The following FKBP5 variants were observed in gnomAD, a reference collection of about 807,000 sequenced individuals.
The protein encoded by FKBP5 is FKBP prolyl isomerase 5, also known as peptidyl-prolyl cis-trans isomerase FKBP5.
A neutral mutation model predicts 50.5 loss-of-function variants in FKBP5; 23 were observed. The ratio of observed to expected loss-of-function variants is 0.46; its 90% CI spans 0.33 to 0.65. The LOEUF is 0.65. FKBP5 is among the 30% of genes least tolerant of loss of function. The pLI is 0.02. For missense variants in FKBP5, 411 were observed against 553.1 expected (o/e 0.74, Z 2.58); for synonymous variants, 176 against 190.6 (o/e 0.92, Z 0.63).
At chr6:35,586,893 G>T in intron 8 of FKBP5, 141 bp downstream of exon 8, 155 of 1,447,364 alleles carry the variant, frequency 1.1e-4, no homozygotes, top group South Asian at 5.7e-4. Flanking sequence ...TTTTCATATT[G>T]AAAATGACAG....
intron 3 of FKBP5, among the ~76,000 whole-genome samples, chr6:35,628,649 TTTC>T (rs1166431906): frequency 1.3e-5 from 2 of 152,236 alleles, no homozygotes; most frequent in African/African-American, 4.8e-5. Context: ...ACAGAAATCC[TTTC>T]TTCTTTTTAT....
intron 2 of FKBP5, among the ~76,000 whole-genome samples, chr6:35,638,090 T>C (rs76083010): frequency 0.011 from 1,667 of 152,228 alleles, 34 homozygotes; most frequent in East Asian, 0.051. Flanking sequence ...TAAAATCCAG[T>C]GTATTTATTT....
Position 35,620,285 on chromosome 6 carries a change from G to A in FKBP5, c.251-11C>T. On this transcript the variant is annotated splice_polypyrimidine_tract_variant and intron_variant, in intron 3 of 10. Transcript: ENST00000357266. ...CCTTGATGACTTGGCCTAAGGGAAA[G>A]GAAAAGGTAGTTGAAAGCTATAAGC... 6.2e-7 allele frequency: 1 copy of A among 1,612,594 alleles called. No homozygotes were observed. Among genetic ancestry groups the A allele is most frequent in the Admixed American group, 1.7e-5 (1 of 59,776 alleles).
intron 5 of FKBP5, among the ~76,000 whole-genome samples, chr6:35,610,567 C>CAAAA (rs35101873): frequency 0.061 from 3,546 of 58,148 alleles, 458 homozygotes; most frequent in Admixed American, 0.095. Flanking sequence ...GACTCCGTCT[C>CAAAA]AAAAAAAAAA....
intron 5 of FKBP5, among the ~76,000 whole-genome samples, chr6:35,613,693 G>A (rs912571170): frequency 1.3e-5 from 2 of 152,110 alleles, no homozygotes; most frequent in African/African-American, 4.8e-5. Context: ...CTTGTTTAAA[G>A]GAGGAAAAAC....
chr6:35,592,260 C>A (rs368522309), intron 6 of FKBP5, among the ~76,000 whole-genome samples: 77 of 152,318 alleles, frequency 5.1e-4, no homozygotes, highest in African/African-American at 1.6e-3. Context: ...CCAGTTTTCT[C>A]TGGGGCAAAG....
chr6:35,579,175 CTCT>C (rs1422065806), intron 9 of FKBP5, among the ~76,000 whole-genome samples: 6 of 152,080 alleles, frequency 3.9e-5, no homozygotes, highest in African/African-American at 1.4e-4. Context: ...CTCTCTCTCT[CTCT>C]CTCTCCGCTC....
chr6:35,692,125 A>G (rs1765999446), upstream of FKBP5, among the ~76,000 whole-genome samples: 1 of 152,142 alleles, frequency 6.6e-6, no homozygotes, highest in South Asian at 2.1e-4. Context: ...CATGCATTTT[A>G]TCATTTGATT....
chr6:35,584,921 G>C (rs187968321), intron 8 of FKBP5: 1 of 985,446 alleles, frequency 1.0e-6, no homozygotes, highest in South Asian at 4.7e-5. Context: ...ACAAAGTTAA[G>C]TAACTGTACA....
At chr6:35,591,988 A>T (rs1385831864) in intron 6 of FKBP5, among the ~76,000 whole-genome samples, 2 of 152,220 alleles carry the variant, frequency 1.3e-5, no homozygotes, top group Non-Finnish European at 2.9e-5. Context: ...TAAGATCTCC[A>T]GCAAATTAAA....
chr6:35,631,800 C>T (rs1171891791), intron 3 of FKBP5, among the ~76,000 whole-genome samples: 7 of 151,740 alleles, frequency 4.6e-5, no homozygotes, highest in African/African-American at 1.7e-4. Flanking sequence ...ACTAAAAATA[C>T]AAAAATTAGC....
chr6:35,584,876 T>C (rs1762554367), intron 8 of FKBP5: 1 of 985,340 alleles, frequency 1.0e-6, no homozygotes, highest in Non-Finnish European at 1.2e-6. Context: ...AGGTTCATAA[T>C]AGTATCACTC....
chr6:35,678,870 C>T (rs765342399), intron 1 of FKBP5, among the ~76,000 whole-genome samples: 10 of 152,048 alleles, frequency 6.6e-5, no homozygotes, highest in Non-Finnish European at 1.3e-4. Context: ...CAGCTTGAGC[C>T]CAGGATTTTA....
intron 1 of FKBP5, among the ~76,000 whole-genome samples, chr6:35,647,611 G>A (rs1270624804): frequency 6.6e-6 from 1 of 152,224 alleles, no homozygotes; most frequent in Non-Finnish European, 1.5e-5. Flanking sequence ...TAGGTCTGGG[G>A]TCAGCCCCAG....
chr6:35,643,574 C>T (rs781160108), intron 1 of FKBP5, among the ~76,000 whole-genome samples: 1 of 152,148 alleles, frequency 6.6e-6, no homozygotes, highest in Non-Finnish European at 1.5e-5. Context: ...GTTCTAGCTG[C>T]CATTATTTTA....
intron 2 of FKBP5, among the ~76,000 whole-genome samples, chr6:35,704,592 GT>G (rs35718174): frequency 0.57 from 85,971 of 151,742 alleles, 25,104 homozygotes; most frequent in African/African-American, 0.7. Flanking sequence ...TTGTCAACAT[GT>G]TTTTTTGGGA....
chr6:35,652,897 G>A (rs1403771395), intron 1 of FKBP5, among the ~76,000 whole-genome samples: 1 of 152,098 alleles, frequency 6.6e-6, no homozygotes, highest in East Asian at 1.9e-4. Flanking sequence ...TCCCCCGGAC[G>A]CCCAGCTTTA....
intron 1 of FKBP5, among the ~76,000 whole-genome samples, chr6:35,651,607 C>A (rs771298461): frequency 8.5e-5 from 13 of 152,062 alleles, no homozygotes; most frequent in Non-Finnish European, 1.5e-4. Context: ...CAAATAAAAC[C>A]GTGGCTTTCA....
At chr6:35,597,548 G>T (rs1228772505) in intron 5 of FKBP5, 144 bp from the exon 6 acceptor site, 2 of 917,834 alleles carry the variant, frequency 2.2e-6, no homozygotes, top group Non-Finnish European at 3.1e-6. Flanking sequence ...GTGTGTCTTG[G>T]TGAAGCTTAG....
Sources: gnomAD v4.1 joint callset for allele counts (sites outside exome capture counted in the v4.1 genomes callset) on GRCh38, gnomAD v4.1.1 for gene constraint, MANE v1.5 for transcripts, NCBI Gene and HGNC (gene_info 2026-07-23, HGNC 2026-07-21) for gene names.